The following HS2ST1 variants were observed in gnomAD, a reference collection of about 807,000 sequenced individuals.
HS2ST1 encodes the protein 2-O-sulfotransferase.
Under a neutral mutation model 42.9 loss-of-function variants are expected in HS2ST1, and 18 were observed. The observed-to-expected ratio is 0.42, with a 90% CI of 0.29 to 0.62. The LOEUF is 0.62. Ranked by LOEUF, HS2ST1 falls within the 20% of genes least tolerant of loss-of-function variation. The pLI, the probability that HS2ST1 is intolerant of heterozygous loss-of-function variation, is 0.21. For missense variants in HS2ST1, 334 were observed against 433.8 expected (o/e 0.77, Z 2.04); for synonymous variants, 146 against 152.9 (o/e 0.95, Z 0.33).
chr1:86,964,332 C>G (rs1469120119), intron 1 of HS2ST1, among the ~76,000 whole-genome samples: 1 of 152,248 alleles, frequency 6.6e-6, no homozygotes, highest in Non-Finnish European at 1.5e-5. Context: ...CGCCACCGCA[C>G]TCCAGCCTGG....
intron 1 of HS2ST1, among the ~76,000 whole-genome samples, chr1:87,044,452 T>G (rs910186974): frequency 1.3e-5 from 2 of 152,178 alleles, no homozygotes; most frequent in African/African-American, 4.8e-5. Flanking sequence ...TTAATATACA[T>G]AGTGCCATTT....
chr1:87,062,481 A>G (rs1651141589), intron 1 of HS2ST1, among the ~76,000 whole-genome samples: 1 of 152,120 alleles, frequency 6.6e-6, no homozygotes, highest in East Asian at 1.9e-4. Context: ...CCTCACTTAC[A>G]ATGTAATTGT....
intron 1 of HS2ST1, chr1:87,064,503 A>G (rs774916038): frequency 1.2e-5 from 6 of 518,750 alleles, no homozygotes; most frequent in South Asian, 8.4e-5. Context: ...TCATATAACC[A>G]TAACTTGTAA....
At chr1:87,042,358 CTG>C (rs1218882658) in intron 1 of HS2ST1, among the ~76,000 whole-genome samples, 5 of 151,990 alleles carry the variant, frequency 3.3e-5, no homozygotes, top group Non-Finnish European at 5.9e-5. Context: ...CTTCTTTTGA[CTG>C]TGCTTTTGAT....
In HS2ST1 at chr1:87,072,831, G is replaced by T; in HGVS notation, c.125-103G>T. The T allele has an allele frequency of 7.3e-6, 6 of 822,372 alleles. No individual in the cohort carries two copies. Among genetic ancestry groups the T allele is most frequent in the Admixed American group, 5.5e-5 (2 of 36,668 alleles). 50.9% of individuals were successfully genotyped at this position (822,372 alleles called of 1,614,324 possible). The stretch of plus-strand genomic sequence containing the variant: ...CCTTGGTTCTTTGCTTTTGTTTTTT[G>T]TTTTCTTTTTTGTATCTTTTCTAAT... On this transcript the variant is annotated intron_variant, in intron 1 of 6. Transcript: ENST00000370550.
intron 1 of HS2ST1, among the ~76,000 whole-genome samples, chr1:86,996,261 G>A (rs1027138965): frequency 6.6e-6 from 1 of 151,922 alleles, no homozygotes; most frequent in South Asian, 2.1e-4. Context: ...TGATCAACAT[G>A]GAAAAACCCC....
At chr1:87,036,687 A>G (rs1650383237) in intron 1 of HS2ST1, among the ~76,000 whole-genome samples, 1 of 152,214 alleles carries the variant, frequency 6.6e-6, no homozygotes, top group African/African-American at 2.4e-5. Context: ...TTTTTAATTC[A>G]GTTGGTGTAC....
At chr1:86,989,307 C>T (rs1648877578) in intron 1 of HS2ST1, among the ~76,000 whole-genome samples, 1 of 152,198 alleles carries the variant, frequency 6.6e-6, no homozygotes, top group Non-Finnish European at 1.5e-5. Flanking sequence ...AAGGATAGCT[C>T]TTATAAAGAA....
At chr1:87,057,156 C>T (rs1000835459) in intron 1 of HS2ST1, among the ~76,000 whole-genome samples, 1 of 152,066 alleles carries the variant, frequency 6.6e-6, no homozygotes, top group African/African-American at 2.4e-5. Flanking sequence ...TTCACAAAAT[C>T]ATGTCATTTA....
chr1:86,998,666 G>A (rs1427544237), intron 1 of HS2ST1, among the ~76,000 whole-genome samples: 1 of 151,948 alleles, frequency 6.6e-6, no homozygotes, highest in Admixed American at 6.6e-5. Context: ...CATTTAATAT[G>A]GCTTTCTGAA....
At chr1:86,966,100 G>A (rs72949782) in intron 1 of HS2ST1, among the ~76,000 whole-genome samples, 3,592 of 152,296 alleles carry the variant, frequency 0.024, 73 homozygotes, top group African/African-American at 0.049. Flanking sequence ...TGGTTGTCAT[G>A]TCTGGTAAAG....
At chr1:86,973,191 A>T (rs1034441538) in intron 1 of HS2ST1, among the ~76,000 whole-genome samples, 4 of 150,102 alleles carry the variant, frequency 2.7e-5, no homozygotes, top group Non-Finnish European at 4.4e-5. Context: ...TTGTTCTTAA[A>T]TTTTTTTTTT....
At chr1:86,949,137 C>T (rs1431662608) in intron 1 of HS2ST1, among the ~76,000 whole-genome samples, 1 of 152,144 alleles carries the variant, frequency 6.6e-6, no homozygotes, top group Admixed American at 6.5e-5. Context: ...AAGATGGAGT[C>T]TTGCTCTTTC....
At chr1:87,003,658 T>TA (rs1347976681) in intron 1 of HS2ST1, among the ~76,000 whole-genome samples, 3 of 152,248 alleles carry the variant, frequency 2.0e-5, no homozygotes, top group South Asian at 2.1e-4. Flanking sequence ...CTAATCACAA[T>TA]AAAAAATATT....
intron 1 of HS2ST1, among the ~76,000 whole-genome samples, chr1:86,936,707 A>G (rs1328574243): frequency 6.6e-6 from 1 of 152,142 alleles, no homozygotes; most frequent in African/African-American, 2.4e-5. Flanking sequence ...CCGTTCTTTT[A>G]TATTCTCTTC....
intron 1 of HS2ST1, among the ~76,000 whole-genome samples, chr1:86,998,072 A>G (rs778800801): frequency 5.9e-5 from 9 of 152,230 alleles, no homozygotes; most frequent in Non-Finnish European, 1.2e-4. Flanking sequence ...CCAGATTGCT[A>G]CAGAAGGTAA....
chr1:87,029,731 G>A (rs111337514), intron 1 of HS2ST1, among the ~76,000 whole-genome samples: 126 of 152,260 alleles, frequency 8.3e-4, no homozygotes, highest in African/African-American at 2.9e-3. Flanking sequence ...AAAAGAAGAG[G>A]TACCTAATTT....
chr1:87,037,865 A>C (rs1224035352), intron 1 of HS2ST1, among the ~76,000 whole-genome samples: 1 of 151,980 alleles, frequency 6.6e-6, no homozygotes, highest in African/African-American at 2.4e-5. Flanking sequence ...TGTAGCATAT[A>C]TCTATAATAT....
intron 1 of HS2ST1, among the ~76,000 whole-genome samples, chr1:86,985,905 T>C (rs1648770176): frequency 6.6e-6 from 1 of 152,150 alleles, no homozygotes; most frequent in Admixed American, 6.5e-5. Context: ...AAGGTAGGAA[T>C]TGACACCTGT....
Sources: allele counts gnomAD v4.1 joint callset (sites outside exome capture counted in the v4.1 genomes callset), GRCh38; gene constraint gnomAD v4.1.1; transcripts MANE v1.5; gene names NCBI Gene and HGNC (gene_info 2026-07-23, HGNC 2026-07-21).